The following MUC13 variants were observed in gnomAD, a reference collection of about 807,000 sequenced individuals.
MUC13 encodes mucin 13, cell surface associated, also known as mucin-13.
MUC13 carries 32 observed loss-of-function variants against 48.3 expected under a neutral mutation model. The observed-to-expected ratio is 0.66, with a 90% CI of 0.50 to 0.89. The LOEUF (loss-of-function observed/expected upper bound fraction) is 0.89. Among genes scored for constraint, MUC13 ranks in the 40% least tolerant of loss-of-function variants. The pLI, the probability that MUC13 is intolerant of heterozygous loss-of-function variation, is 0.00. For synonymous variants in MUC13, 199 were observed against 224.9 expected, an observed-to-expected ratio of 0.88 and a Z score of 1.03; for missense variants, 571 against 622.8, an observed-to-expected ratio of 0.92 and a Z score of 0.88.
In MUC13 at chr3:124,934,737, TG is replaced by T; in HGVS notation, c.-26del. On this transcript the variant is annotated 5_prime_UTR_variant, in exon 1 of 12. Transcript: ENST00000616727. ...TTTTAGCTGTTCTTGCTTGGTAATC[TG>T]AGGAGGAAATGATTTCCCTTCCTGG... 6.3e-7 allele frequency: 1 copy of T among 1,585,484 alleles called. No homozygotes were observed. The highest frequency in any genetic ancestry group is 8.7e-7 in the Non-Finnish European group (1 of 1,154,672).
At chr3:124,914,332 C>T (rs577190318) in intron 6 of MUC13, among the ~76,000 whole-genome samples, 1 of 151,972 alleles carries the variant, frequency 6.6e-6, no homozygotes, top group East Asian at 2.0e-4. Flanking sequence ...ATTGCTTGAA[C>T]CTAGGAGGCG....
chr3:124,919,477 AC>A (rs1935558865), intron 5 of MUC13, among the ~76,000 whole-genome samples: 2 of 151,188 alleles, frequency 1.3e-5, no homozygotes, highest in African/African-American at 4.9e-5. Context: ...GATGTGAGCC[AC>A]CATGTCTGGC....
In MUC13 at chr3:124,916,348, T is replaced by C. The variant is rs1158204298; in HGVS notation, c.933A>G (p.Arg311=). Residue 311 remains arginine (R), a synonymous_variant, in exon 6 of 12, where the codon AGA becomes AGG. Coordinates refer to ENST00000616727, the MANE Select transcript of MUC13 (RefSeq NM_033049.4). The part of the protein sequence containing the change: ...TVTEKINKAI[R]SSSSNFLNYD... ...AGTTTAGAAAGTTGCTTGAGCTACTTCTAATTGCTTTATTAATTTTCTCAG... is the reference window on the plus strand; with the variant it reads ...AGTTTAGAAAGTTGCTTGAGCTACTCCTAATTGCTTTATTAATTTTCTCAG... The C allele has an allele frequency of 6.2e-7, 1 of 1,612,702 alleles. No individual in the cohort carries two copies. Among genetic ancestry groups the C allele is most frequent in the Non-Finnish European group, 8.5e-7 (1 of 1,179,818 alleles).
intron 2 of MUC13, among the ~76,000 whole-genome samples, chr3:124,924,296 C>T (rs1579369463): frequency 6.6e-6 from 1 of 152,218 alleles, no homozygotes; most frequent in South Asian, 2.1e-4. Flanking sequence ...GGGTTCTACA[C>T]TGTGGGCTGA....
At chr3:124,920,445 G>C (rs1316245354) in intron 4 of MUC13, among the ~76,000 whole-genome samples, 156 bp from the exon 5 acceptor site, 1 of 152,148 alleles carries the variant, frequency 6.6e-6, no homozygotes, top group Non-Finnish European at 1.5e-5. Flanking sequence ...TAGGGTCTGA[G>C]CTGGGACTGC....
chr3:124,919,869 T>C (rs1265563614), intron 5 of MUC13, among the ~76,000 whole-genome samples: 3 of 152,136 alleles, frequency 2.0e-5, no homozygotes, highest in African/African-American at 7.2e-5. Context: ...CACGGGCCAT[T>C]CAGTCTCCCC....
intron 5 of MUC13, among the ~76,000 whole-genome samples, chr3:124,918,727 A>C (rs1405336037): frequency 6.6e-6 from 1 of 152,050 alleles, no homozygotes; most frequent in Non-Finnish European, 1.5e-5. Context: ...TTCCAATTTC[A>C]CCATTCCTGT....
rs758104082 is a variant in MUC13, at chr3:124,923,643, C to G, written c.521G>C (p.Ser174Thr). 6.2e-6 allele frequency: 10 copies of G among 1,613,178 alleles called. No homozygotes were observed. Among genetic ancestry groups the G allele is most frequent in the Non-Finnish European group, 8.5e-6 (10 of 1,179,740 alleles). ...ACAGGGATCATCTTGGCAAGGATTG[C>G]TGGGACCTTAGATGGAGTAGAAAGA... Reference protein sequence around the residue: ...ETSTLNSTGPSNPCQDDPCAD... With the variant: ...ETSTLNSTGPTNPCQDDPCAD... The change falls in exon 3 of 12, where the codon AGC becomes ACC. Residue 174 changes from serine to threonine, a missense_variant. Physicochemically the swap from Ser to Thr is moderately conservative, Grantham distance 58. Coordinates refer to ENST00000616727, the MANE Select transcript of MUC13 (RefSeq NM_033049.4).
At chr3:124,922,165 C>T (rs191658124) in intron 4 of MUC13, 32 bp downstream of exon 4, 31 of 1,611,942 alleles carry the variant, frequency 1.9e-5, no homozygotes, top group Admixed American at 3.3e-5. Flanking sequence ...ACAAAGAATG[C>T]TTTACAGAAA....
Position 124,926,975 on chromosome 3 carries a change from T to C in MUC13, c.514+557A>G, listed in dbSNP as rs150332030. Among the ~76,000 whole-genome samples the C allele has an allele frequency of 6.9e-3, 1,047 of 152,318 alleles. 4 individuals carry two copies. The highest frequency in any genetic ancestry group is 0.011 in the Non-Finnish European group (728 of 68,024). ...GTCATCTCTTAGTGTTCCCAAAGCA[T>C]CTGTCCTTTGGACAATGGCCCTGGT... is the stretch of plus-strand genomic sequence containing the variant. On this transcript the variant is annotated intron_variant, in intron 2 of 11. Transcript: ENST00000616727.
At chr3:124,934,577 G>A in intron 1 of MUC13, 84 bp downstream of exon 1, 1 of 908,164 alleles carries the variant, frequency 1.1e-6, no homozygotes, top group Non-Finnish European at 1.8e-6. Context: ...TGGGCTGGGA[G>A]AATTGGTAGC....
In MUC13 at chr3:124,923,712, G is replaced by A. The variant is rs932710528; in HGVS notation, c.515-63C>T. 2.5e-5 allele frequency: 38 copies of A among 1,550,262 alleles called. 1 individual carries two copies. The East Asian group carries it at 2.8e-4, about 11-fold the overall frequency. On this transcript the variant is annotated intron_variant, in intron 2 of 11. Coordinates refer to ENST00000616727, the MANE Select transcript of MUC13 (RefSeq NM_033049.4). ...ATGACAATAAATAACAACTGGAAAC[G>A]TATTTTTCCATCTTCATGCCTCCCC...
intron 5 of MUC13, among the ~76,000 whole-genome samples, chr3:124,919,563 A>G (rs1355676788): frequency 6.6e-6 from 1 of 152,112 alleles, no homozygotes; most frequent in Non-Finnish European, 1.5e-5. Context: ...GTGCATTGCT[A>G]CACGAGGGCT....
chr3:124,924,873 T>C (rs1208555775), intron 2 of MUC13, among the ~76,000 whole-genome samples: 1 of 152,176 alleles, frequency 6.6e-6, no homozygotes, highest in Non-Finnish European at 1.5e-5. Flanking sequence ...CTCTCATTCA[T>C]TGGTGGGAAT....
At chr3:124,931,012 G>A (rs1442568669) in intron 1 of MUC13, among the ~76,000 whole-genome samples, 3 of 152,172 alleles carry the variant, frequency 2.0e-5, no homozygotes, top group East Asian at 1.9e-4. Flanking sequence ...GAGGAGGAAC[G>A]TAAAGGTGTA....
chr3:124,913,261 T>C, intron 7 of MUC13, 21 bp from the exon 8 acceptor site: 1 of 1,595,496 alleles, frequency 6.3e-7, no homozygotes, highest in Non-Finnish European at 8.6e-7. Context: ...GAATGATTTC[T>C]GGGTAATTTT....
chr3:124,922,394 C>A, intron 3 of MUC13, 91 bp from the exon 4 acceptor site: 1 of 1,450,970 alleles, frequency 6.9e-7, no homozygotes, highest in Non-Finnish European at 9.2e-7. Flanking sequence ...TTTAGAATTC[C>A]CAACATTATA....
At chr3:124,923,866 T>C (rs1208760902) in intron 2 of MUC13, among the ~76,000 whole-genome samples, 1 of 152,146 alleles carries the variant, frequency 6.6e-6, no homozygotes, top group Non-Finnish European at 1.5e-5. Flanking sequence ...GTATAATACT[T>C]GTCAATAGTA....
At chr3:124,909,164 A>G (rs926533188) in intron 10 of MUC13, among the ~76,000 whole-genome samples, 1 of 151,796 alleles carries the variant, frequency 6.6e-6, no homozygotes, top group Non-Finnish European at 1.5e-5. Flanking sequence ...AAAAAAAAAA[A>G]GAGAAAAAAC....
Sources: allele counts gnomAD v4.1 joint callset (sites outside exome capture counted in the v4.1 genomes callset), GRCh38; gene constraint gnomAD v4.1.1; transcripts MANE v1.5; gene names NCBI Gene and HGNC (gene_info 2026-07-23, HGNC 2026-07-21).